TMEM37: variants seen among roughly 807,000 people sequenced by gnomAD.
The protein encoded by TMEM37 is transmembrane protein 37.
TMEM37 carries 12 observed loss-of-function variants against 11.0 expected under a neutral mutation model. That is an observed-to-expected ratio of 1.09 (90% CI 0.70 to 1.76). The LOEUF is 1.76. TMEM37 is among the 40% of genes most tolerant of loss of function. The pLI is 0.00. For missense variants in TMEM37, 203 were observed against 251.2 expected (o/e 0.81, Z 1.30); for synonymous variants, 127 against 110.5 (o/e 1.15, Z -0.94).
At chr2:119,430,055 C>A (rs1215277266), upstream of TMEM37, 54 of 1,277,870 alleles carry the variant, frequency 4.2e-5, no homozygotes, top group Non-Finnish European at 5.8e-5. Flanking sequence ...TGAAAGGATA[C>A]CCCCGCAACA....
chr2:119,431,646 C>A (rs111253622), upstream of TMEM37, among the ~76,000 whole-genome samples: 2 of 116,366 alleles, frequency 1.7e-5, no homozygotes, highest in Non-Finnish European at 4.0e-5. Context: ...GATCCCTCCC[C>A]CCAAGTGCCG....
chr2:119,430,413 G>A (rs754971548), upstream of TMEM37: 4 of 475,690 alleles, frequency 8.4e-6, no homozygotes. Flanking sequence ...GGTAAGTGGA[G>A]TCCCAGCTCT....
intron 1 of TMEM37, among the ~76,000 whole-genome samples, chr2:119,435,679 G>A (rs995315750): frequency 1.2e-4 from 19 of 152,252 alleles, no homozygotes; most frequent in East Asian, 5.8e-4. Context: ...GGTAGGGGGC[G>A]GCCTTCCCAG....
At chr2:119,434,699 AC>A (rs1682465921) in intron 1 of TMEM37, among the ~76,000 whole-genome samples, 1 of 152,060 alleles carries the variant, frequency 6.6e-6, no homozygotes, top group Non-Finnish European at 1.5e-5. Context: ...CTCAGCTAGG[AC>A]CCAGGCTGGT....
intron 1 of TMEM37, among the ~76,000 whole-genome samples, chr2:119,435,899 T>G (rs1682486133): frequency 1.3e-5 from 2 of 152,008 alleles, no homozygotes; most frequent in African/African-American, 4.8e-5. Context: ...TGGCAGGAGC[T>G]GCAGAAGAGC....
At chr2:119,434,920 C>T (rs1241472947) in intron 1 of TMEM37, among the ~76,000 whole-genome samples, 2 of 152,126 alleles carry the variant, frequency 1.3e-5, no homozygotes, top group Non-Finnish European at 2.9e-5. Flanking sequence ...GTACTGAGCC[C>T]CTAGCACAAA....
chr2:119,437,387 C>T lies in TMEM37; in HGVS notation c.520C>T (p.Leu174=). ...ATTCACTGCCTCCTTCCTCCTCTTC[C>T]TGAACGCCATCAGCGGCCTTCACAT... The part of the protein sequence containing the change: ...CEFTASFLLF[L]NAISGLHINS... The change falls in exon 2 of 2, where the codon CTG becomes TTG. Residue 174 remains leucine (L), a synonymous_variant. Coordinates refer to ENST00000306406, the MANE Select transcript of TMEM37 (RefSeq NM_183240.3). 1.2e-6 allele frequency: 2 copies of T among 1,614,242 alleles called. No homozygotes were observed. The highest frequency in any genetic ancestry group is 2.2e-5 in the South Asian group (2 of 91,076).
chr2:119,430,117 G>C, upstream of TMEM37: 1 of 768,868 alleles, frequency 1.3e-6, no homozygotes, highest in Non-Finnish European at 2.1e-6. Flanking sequence ...CCAGAGCTGC[G>C]GAGAGTCTGG....
Position 119,431,878 on chromosome 2 carries a change from G to C in TMEM37, c.-26G>C. 1 of 1,226,506 alleles carries C rather than the reference G, an allele frequency of 8.2e-7. No homozygotes were observed. The highest frequency in any genetic ancestry group is 1.0e-6 in the Non-Finnish European group (1 of 984,548). 76.0% of individuals were successfully genotyped at this position (1,226,506 alleles called of 1,614,324 possible). ...CAGCGGAGCAGCTGGAGCGATCGAG[G>C]CTGCAGCGCGGCCGCCGGGCGCAGC... On this transcript the variant is annotated 5_prime_UTR_variant, in exon 1 of 2. Coordinates refer to ENST00000306406, the MANE Select transcript of TMEM37 (RefSeq NM_183240.3).
chr2:119,431,843 C>T (rs1682401475), upstream of TMEM37: 1 of 1,228,648 alleles, frequency 8.1e-7, no homozygotes. Flanking sequence ...CGGGCTGGCG[C>T]CGGCGGCCAC....
At chr2:119,433,883 A>G (rs1014027594) in intron 1 of TMEM37, among the ~76,000 whole-genome samples, 2 of 151,868 alleles carry the variant, frequency 1.3e-5, no homozygotes, top group Non-Finnish European at 2.9e-5. Context: ...AGGAATGAAG[A>G]CTCTATATGT....
upstream of TMEM37, chr2:119,430,408 G>C: frequency 2.1e-6 from 1 of 476,148 alleles, no homozygotes; most frequent in Non-Finnish European, 4.3e-6. Context: ...TGCTGGGTAA[G>C]TGGAGTCCCA....
In TMEM37 at chr2:119,437,152, C is replaced by T. The variant is rs567745556; in HGVS notation, c.285C>T (p.Gly95=). The T allele has an allele frequency of 9.7e-5, 156 of 1,614,240 alleles. No individual in the cohort carries two copies. In the South Asian group the frequency reaches 1.4e-3, roughly 14 times the overall value. ...GCATGGGCCTGGTACGCAGCGTGGG[C>T]GCCTTGGCCGTGGTGGCCGCCATTT... ...AVGMGLVRSV[G]ALAVVAAIFG... is the part of the protein sequence containing the mutation. Residue 95 remains glycine, a synonymous_variant, in exon 2 of 2, where the codon GGC becomes GGT. Transcript: ENST00000306406.
upstream of TMEM37, among the ~76,000 whole-genome samples, chr2:119,430,855 G>C (rs373455830): frequency 1.3e-5 from 2 of 152,152 alleles, no homozygotes; most frequent in South Asian, 2.1e-4. Context: ...ACTCAGATCC[G>C]GCCGGATGCG....
chr2:119,437,192 C>T lies in TMEM37; in HGVS notation c.325C>T (p.Leu109Phe), dbSNP rs1467894874. ...GGCCGCCATTTTTGGCCTGGAGTTC[C>T]TCATGGTGTCCCAGTTGTGCGAGGA... ...VVAAIFGLEF[L>F]MVSQLCEDKH... The change falls in exon 2 of 2, where the codon CTC becomes TTC. Residue 109 changes from leucine to phenylalanine, a missense_variant. Leu to Phe is a conservative substitution (Grantham distance 22, BLOSUM62 0). Transcript: ENST00000306406. 1 of 1,614,246 alleles carries T rather than the reference C, an allele frequency of 6.2e-7. No homozygotes were observed. Among genetic ancestry groups the T allele is most frequent in the Non-Finnish European group, 8.5e-7 (1 of 1,180,054 alleles).
chr2:119,431,257 C>A (rs1682388250), upstream of TMEM37, among the ~76,000 whole-genome samples: 1 of 152,214 alleles, frequency 6.6e-6, no homozygotes, highest in African/African-American at 2.4e-5. Flanking sequence ...CAGGAGGAAA[C>A]AGGGTTTTAC....
At chr2:119,436,239 G>A (rs142782145) in intron 1 of TMEM37, among the ~76,000 whole-genome samples, 10 of 152,300 alleles carry the variant, frequency 6.6e-5, no homozygotes, top group African/African-American at 1.7e-4. Flanking sequence ...GAAGCTGCAG[G>A]AGCAGACAAT....
chr2:119,436,891 C>T lies in TMEM37; in HGVS notation c.24C>T (p.Ala8=). Residue 8 remains alanine, a splice_region_variant and synonymous_variant, in exon 2 of 2, where the codon GCC becomes GCT. Transcript: ENST00000306406. ...GTGCTTCCTACGGTTTTTTCCAGGCCCAGAGGCCTTTGGGCCAAAGGCAGC... is the reference window on the plus strand; with the variant it reads ...GTGCTTCCTACGGTTTTTTCCAGGCTCAGAGGCCTTTGGGCCAAAGGCAGC... The part of the protein sequence containing the change: MTAVGVQ[A]QRPLGQRQPR... The T allele has an allele frequency of 6.2e-7, 1 of 1,611,212 alleles. No homozygotes were observed. The highest frequency in any genetic ancestry group is 1.1e-5 in the South Asian group (1 of 90,690).
In TMEM37 at chr2:119,432,069, T is replaced by A. The variant is rs1573762593; in HGVS notation, c.21+145T>A. 3 of 496,060 alleles carry A rather than the reference T, an allele frequency of 6.0e-6. No individual in the cohort carries two copies. In the South Asian group the frequency reaches 3.2e-4, roughly 52 times the overall value. The allele number at this position is 496,060 out of a possible 1,614,324, so 30.7% of individuals were successfully genotyped here. A position where few individuals can be genotyped will look rare whatever the true frequency, so the allele number is the denominator to read the frequency against. ...AGCGCCCCCCGTGCCCGCCCCCTGT[T>A]GCAAACCTGGGTCCGGAGGAGGCTG... On this transcript the variant is annotated intron_variant, in intron 1 of 1. Transcript: ENST00000306406.
Sources: allele counts gnomAD v4.1 joint callset (sites outside exome capture counted in the v4.1 genomes callset), GRCh38; gene constraint gnomAD v4.1.1; transcripts MANE v1.5; gene names NCBI Gene and HGNC (gene_info 2026-07-23, HGNC 2026-07-21).